The following TASOR variants were observed in gnomAD, a reference collection of about 807,000 sequenced individuals.
TASOR encodes protein TASOR.
In TASOR, 53 loss-of-function variants were observed where a neutral mutation model predicts 178.6. The observed-to-expected ratio is 0.30, with a 90% CI of 0.24 to 0.37. TASOR has a LOEUF of 0.37. TASOR is among the 10% of genes least tolerant of loss of function. TASOR has a pLI of 1.00. For missense variants in TASOR, 1,815 were observed against 1,971.4 expected (o/e 0.92, Z 1.50); for synonymous variants, 713 against 696.2 (o/e 1.02, Z -0.38).
intron 11 of TASOR, among the ~76,000 whole-genome samples, chr3:56,649,926 C>T (rs1037533825): frequency 6.6e-5 from 10 of 152,118 alleles, no homozygotes; most frequent in East Asian, 1.9e-4. Flanking sequence ...TAAGACAAGT[C>T]GGGAATGAAA....
chr3:56,639,865 G>T, intron 16 of TASOR, 121 bp downstream of exon 16: 1 of 773,008 alleles, frequency 1.3e-6, no homozygotes, highest in Non-Finnish European at 2.1e-6. Flanking sequence ...GAAGATGTCA[G>T]CACCAATTAA....
At chr3:56,657,125 C>T (rs1233717455) in intron 11 of TASOR, among the ~76,000 whole-genome samples, 1 of 151,890 alleles carries the variant, frequency 6.6e-6, no homozygotes, top group Non-Finnish European at 1.5e-5. Flanking sequence ...GTCAAGAGTT[C>T]AAGACCAGCC....
Position 56,623,501 on chromosome 3 carries a change from G to A in TASOR, c.4549C>T (p.His1517Tyr), listed in dbSNP as rs888579109. 1.9e-6 allele frequency: 3 copies of A among 1,611,406 alleles called. No homozygotes were observed. Among genetic ancestry groups the A allele is most frequent in the Admixed American group, 1.7e-5 (1 of 59,736 alleles). ...TGAAAATTGCTGCATACTTCTATATGTGAGATTTCATCCCCTGAATCCAGA... is the reference window on the plus strand; with the variant it reads ...TGAAAATTGCTGCATACTTCTATATATGAGATTTCATCCCCTGAATCCAGA... ...MSLDSGDEIS[H>Y]IEVCSNFHSE... Residue 1517 changes from histidine to tyrosine, a missense_variant, in exon 24 of 24, where the codon CAT becomes TAT. Physicochemically the swap from His to Tyr is moderately conservative, Grantham distance 83 (BLOSUM62 2). This residue lies in a region of TASOR where 278 missense variants were observed against 257.1 expected (regional missense o/e 1.08). Transcript: ENST00000683822.
chr3:56,631,469 A>G (rs2076909340), intron 18 of TASOR, among the ~76,000 whole-genome samples: 1 of 152,148 alleles, frequency 6.6e-6, no homozygotes, highest in African/African-American at 2.4e-5. Flanking sequence ...TATACCACTA[A>G]TGTAATTGCT....
At chr3:56,640,579 T>G (rs2077100487) in intron 15 of TASOR, among the ~76,000 whole-genome samples, 1 of 152,040 alleles carries the variant, frequency 6.6e-6, no homozygotes, top group African/African-American at 2.4e-5. Context: ...CTACCTTACA[T>G]ACCCCAATAA....
rs2077249678 is a variant in TASOR at position 56,646,966 on chromosome 3, C to T, written c.1771G>A (p.Ala591Thr). 6.2e-7 allele frequency: 1 copy of T among 1,610,444 alleles called. No homozygotes were observed. Among genetic ancestry groups the T allele is most frequent in the Admixed American group, 1.7e-5 (1 of 59,180 alleles). Reference sequence around the variant, plus strand: ...TCAATATGGGATTTATTTCTGGGAGCTGAGTATAAGAATTTTTTATCATCT... The same window carrying T: ...TCAATATGGGATTTATTTCTGGGAGTTGAGTATAAGAATTTTTTATCATCT... ...RLDDKKFLYS[A>T]PRNKSHIDTC... The change falls in exon 14 of 24, where the codon GCT becomes ACT. Residue 591 changes from alanine to threonine, a missense_variant. Physicochemically the swap from Ala to Thr is moderately conservative, Grantham distance 58. Coordinates refer to ENST00000683822, the MANE Select transcript of TASOR (RefSeq NM_001365635.2).
At chr3:56,636,227 A>G (rs1020539316) in intron 17 of TASOR, among the ~76,000 whole-genome samples, 1 of 151,864 alleles carries the variant, frequency 6.6e-6, no homozygotes, top group East Asian at 1.9e-4. Flanking sequence ...GCAGTGAGCC[A>G]AGATTGCACC....
intron 18 of TASOR, among the ~76,000 whole-genome samples, chr3:56,631,851 G>A (rs1164326978): frequency 6.6e-6 from 1 of 152,076 alleles, no homozygotes; most frequent in Non-Finnish European, 1.5e-5. Context: ...CCAAAGTGCT[G>A]GGATTACAGG....
intron 8 of TASOR, among the ~76,000 whole-genome samples, 160 bp from the exon 9 acceptor site, chr3:56,662,650 C>A (rs2077622855): frequency 6.6e-6 from 1 of 150,490 alleles, no homozygotes; most frequent in Non-Finnish European, 1.5e-5. Context: ...TATTTACTAA[C>A]AGTTCAAATA....
chr3:56,641,545 A>G lies in TASOR; in HGVS notation c.2423T>C (p.Leu808Pro). The G allele has an allele frequency of 6.2e-7, 1 of 1,614,162 alleles. No homozygotes were observed. Among genetic ancestry groups the G allele is most frequent in the South Asian group, 1.1e-5 (1 of 91,084 alleles). The change falls in exon 15 of 24, where the codon CTG becomes CCG. Residue 808 changes from leucine to proline, a missense_variant. Coordinates refer to ENST00000683822, the MANE Select transcript of TASOR (RefSeq NM_001365635.2). ...CAACTCATACTCATGTTTTTGCCTC[A>G]GCTCTTCATAGGCATCATCAGTGCT... ...GLSTDDAYEE[L>P]RQKHEYELNS...
chr3:56,624,545 G>C lies in TASOR; in HGVS notation c.4417C>G (p.His1473Asp), dbSNP rs779019710. 1 of 1,614,090 alleles carries C rather than the reference G, an allele frequency of 6.2e-7. No individual in the cohort carries two copies. The highest frequency in any genetic ancestry group is 8.5e-7 in the Non-Finnish European group (1 of 1,179,982). Residue 1473 changes from histidine (H) to aspartate (D), a missense_variant, in exon 23 of 24, where the codon CAC becomes GAC. Physicochemically the swap from His to Asp is moderately conservative, Grantham distance 81 (BLOSUM62 -1). Around this residue, in one of 5 missense-constraint regions of TASOR, gnomAD observed 278 missense variants for 257.1 expected, o/e 1.08. Transcript: ENST00000683822. ...AGGTTTTCTTCTGTGATTGAATTGT[G>C]ATAGCCCACAAGATTTTTAAAGTTT... ...MQNFKNLVGY[H>D]NSITEENLPQ...
At position 56,683,194 on chromosome 3, in the gene TASOR, G is replaced by C; in HGVS notation, c.-188C>G. On this transcript the variant is annotated 5_prime_UTR_variant, in exon 1 of 24. Coordinates refer to ENST00000683822, the MANE Select transcript of TASOR (RefSeq NM_001365635.2). Reference sequence around the variant, plus strand: ...GCCCTGTAGCGGGCACCCCAAATGCGCTGCCCGGTCCTCGGAGCCGCTCCT... The same window carrying C: ...GCCCTGTAGCGGGCACCCCAAATGCCCTGCCCGGTCCTCGGAGCCGCTCCT... 1.8e-6 allele frequency: 1 copy of C among 561,750 alleles called. No individual in the cohort carries two copies. The highest frequency in any genetic ancestry group is 2.8e-5 in the South Asian group (1 of 36,244). 34.8% of individuals were successfully genotyped at this position (561,750 alleles called of 1,614,324 possible).
chr3:56,642,178 TTA>T (rs1230995185), intron 14 of TASOR, among the ~76,000 whole-genome samples: 1 of 152,232 alleles, frequency 6.6e-6, no homozygotes, highest in Non-Finnish European at 1.5e-5. Context: ...TCCATACCTA[TTA>T]TATTTTGTCC....
Position 56,622,822 on chromosome 3 carries a change from C to T in TASOR, c.*215G>A. Reference sequence around the variant, plus strand: ...TACAGGTAACATACAAAAAGTAAAACTTAGAAGTGCCAACATGAGATAATT... The same window carrying T: ...TACAGGTAACATACAAAAAGTAAAATTTAGAAGTGCCAACATGAGATAATT... On this transcript the variant is annotated 3_prime_UTR_variant, in exon 24 of 24. Transcript: ENST00000683822. The T allele has an allele frequency of 3.0e-6, 1 of 332,054 alleles. No individual in the cohort carries two copies. Among genetic ancestry groups the T allele is most frequent in the Non-Finnish European group, 5.3e-6 (1 of 187,134 alleles). The allele number at this position is 332,054 out of a possible 1,614,324, so 20.6% of individuals were successfully genotyped here. A position where few individuals can be genotyped will look rare whatever the true frequency, so the allele number is the denominator to read the frequency against.
At chr3:56,671,495 T>A in intron 3 of TASOR, 105 bp downstream of exon 3, 2 of 751,750 alleles carry the variant, frequency 2.7e-6, no homozygotes, top group South Asian at 4.2e-5. Context: ...CACTTATATA[T>A]CAAAAAAGTC....
At chr3:56,634,423 A>G (rs1157065249) in intron 17 of TASOR, among the ~76,000 whole-genome samples, 6 of 152,240 alleles carry the variant, frequency 3.9e-5, no homozygotes, top group Non-Finnish European at 8.8e-5. Context: ...TACCAAACAG[A>G]AATGCTGTGG....
chr3:56,641,495 A>G lies in TASOR; in HGVS notation c.2473T>C (p.Tyr825His). The change falls in exon 15 of 24, where the codon TAT becomes CAT. Residue 825 changes from tyrosine to histidine, a missense_variant. Around this residue, in one of 5 missense-constraint regions of TASOR, gnomAD observed 655 missense variants for 671.1 expected, o/e 0.98. Coordinates refer to ENST00000683822, the MANE Select transcript of TASOR (RefSeq NM_001365635.2). ...ACTTTTGCACAAGTAGGCTGCTCAT[A>G]GTCTTTCTTATCTGGGGTAGAGTTC... ...ELNSTPDKKD[Y>H]EQPTCAKVEN... 3.7e-6 allele frequency: 6 copies of G among 1,613,922 alleles called. No individual in the cohort carries two copies. Among genetic ancestry groups the G allele is most frequent in the Non-Finnish European group, 5.1e-6 (6 of 1,179,810 alleles).
At position 56,682,962 on chromosome 3, in the gene TASOR, C is replaced by T. The variant is rs1413120467; in HGVS notation, c.45G>A (p.Ala15=). ...VETEACQPTD[A]SWESGGGGDD... ...CTCCGCCGCCGCCACTTTCCCAACT[C>T]GCATCCGTCGGCTGACAGGCCTCCG... Residue 15 remains alanine (A), a synonymous_variant, in exon 1 of 24, where the codon GCG becomes GCA. Coordinates refer to ENST00000683822, the MANE Select transcript of TASOR (RefSeq NM_001365635.2). The T allele has an allele frequency of 1.9e-6, 3 of 1,549,462 alleles. No individual in the cohort carries two copies. Among genetic ancestry groups the T allele is most frequent in the Admixed American group, 2.0e-5 (1 of 50,914 alleles).
At chr3:56,663,944 T>G in intron 7 of TASOR, 35 of 789,842 alleles carry the variant, frequency 4.4e-5, no homozygotes, top group South Asian at 6.0e-5. Flanking sequence ...TACTAAGCTC[T>G]TATTTACCAG....
Sources: allele counts gnomAD v4.1 joint callset (sites outside exome capture counted in the v4.1 genomes callset), GRCh38; gene constraint gnomAD v4.1.1; regional missense constraint gnomAD v4.1.1; transcripts MANE v1.5; gene names NCBI Gene and HGNC (gene_info 2026-07-23, HGNC 2026-07-21).